The following MEF2C variants were observed in gnomAD, a reference collection of about 807,000 sequenced individuals.
MEF2C encodes myocyte-specific enhancer factor 2C.
Under a neutral mutation model 50.5 loss-of-function variants are expected in MEF2C, and 6 were observed. That is an observed-to-expected ratio of 0.12 (90% CI 0.07 to 0.23). The LOEUF (loss-of-function observed/expected upper bound fraction) is 0.23. Among genes scored for constraint, MEF2C ranks in the 10% least tolerant of loss-of-function variants. MEF2C has a pLI of 1.00. For synonymous variants in MEF2C, 183 were observed against 228.0 expected (o/e 0.80, Z 1.78); for missense variants, 276 against 605.0 (o/e 0.46, Z 5.70).
intron 4 of MEF2C, among the ~76,000 whole-genome samples, chr5:88,754,676 C>G (rs563131247): frequency 4.6e-5 from 7 of 152,180 alleles, no homozygotes; most frequent in Non-Finnish European, 7.4e-5. Flanking sequence ...ACTGCAGTCA[C>G]GTCCTAACAG....
intron 2 of MEF2C, among the ~76,000 whole-genome samples, chr5:88,821,115 T>C (rs1808127986): frequency 6.6e-6 from 1 of 151,962 alleles, no homozygotes; most frequent in Non-Finnish European, 1.5e-5. Flanking sequence ...TAAGTCAAAC[T>C]AAGCTGAATT....
intron 2 of MEF2C, among the ~76,000 whole-genome samples, chr5:88,813,883 C>T (rs559157306): frequency 2.0e-4 from 31 of 151,318 alleles, no homozygotes; most frequent in Middle Eastern, 3.4e-3. Flanking sequence ...ATTTTTTTTC[C>T]CTCCAAATAA....
chr5:88,811,988 A>G (rs144342841), intron 2 of MEF2C, among the ~76,000 whole-genome samples: 1 of 152,256 alleles, frequency 6.6e-6, no homozygotes, highest in East Asian at 1.9e-4. Flanking sequence ...GGCATCATAT[A>G]GAGTTTTGTG....
chr5:88,779,246 C>T (rs1301232192), intron 3 of MEF2C, among the ~76,000 whole-genome samples: 1 of 152,050 alleles, frequency 6.6e-6, no homozygotes, highest in Non-Finnish European at 1.5e-5. Context: ...TTTAAAAGAT[C>T]ACTGTTAAAA....
At position 88,728,473 on chromosome 5, in the gene MEF2C, T is replaced by G. The variant is rs780867741; in HGVS notation, c.1100+20A>C. ...CAAAATACATTCTAAAATTATATTA[T>G]AAAAAATAATATTGCTTACCCCAAC... On this transcript the variant is annotated intron_variant, in intron 10 of 10. Transcript: ENST00000504921. 1 of 1,409,272 alleles carries G rather than the reference T, an allele frequency of 7.1e-7. No individual in the cohort carries two copies. Among genetic ancestry groups the G allele is most frequent in the South Asian group, 1.7e-5 (1 of 57,856 alleles). The allele number at this position is 1,409,272 out of a possible 1,614,324, so 87.3% of individuals were successfully genotyped here.
chr5:88,762,843 A>G (rs545038051), intron 3 of MEF2C, among the ~76,000 whole-genome samples: 1 of 152,274 alleles, frequency 6.6e-6, no homozygotes, highest in South Asian at 2.1e-4. Context: ...AATAAAGCAA[A>G]AGCTGTGACA....
At chr5:88,731,555 T>C in intron 7 of MEF2C, 174 bp downstream of exon 7, 2 of 601,800 alleles carry the variant, frequency 3.3e-6, no homozygotes, top group East Asian at 3.0e-5. Context: ...AAAAGGGAAA[T>C]GCAAACCAGT....
At chr5:88,786,940 G>T (rs1791223266) in intron 3 of MEF2C, among the ~76,000 whole-genome samples, 1 of 152,172 alleles carries the variant, frequency 6.6e-6, no homozygotes, top group African/African-American at 2.4e-5. Context: ...TTATGGTTCA[G>T]ATAATTGGGT....
chr5:88,872,708 A>T (rs1478552052), intron 1 of MEF2C, among the ~76,000 whole-genome samples: 1 of 151,926 alleles, frequency 6.6e-6, no homozygotes, highest in Non-Finnish European at 1.5e-5. Flanking sequence ...TCCTTAAAAA[A>T]CTTTAAGAGG....
intron 1 of MEF2C, among the ~76,000 whole-genome samples, chr5:88,863,426 C>A (rs924536619): frequency 2.0e-5 from 3 of 152,174 alleles, no homozygotes; most frequent in African/African-American, 7.2e-5. Context: ...ATTGGCAGAG[C>A]CAAAGGTAGT....
At position 88,730,200 on chromosome 5, in the gene MEF2C, T is replaced by A; in HGVS notation, c.834+11A>T. 1 of 1,582,194 alleles carries A rather than the reference T, an allele frequency of 6.3e-7. No individual in the cohort carries two copies. The highest frequency in any genetic ancestry group is 8.6e-7 in the Non-Finnish European group (1 of 1,162,836). On this transcript the variant is annotated intron_variant, in intron 8 of 10. Transcript: ENST00000504921. ...CACATGCCATTTGAGGGAAGCGCTCTCACCACTTACCAAAAGCAGGTCGAC... is the reference window on the plus strand; with the variant it reads ...CACATGCCATTTGAGGGAAGCGCTCACACCACTTACCAAAAGCAGGTCGAC...
At chr5:88,800,377 T>G (rs1797858701) in intron 3 of MEF2C, among the ~76,000 whole-genome samples, 1 of 152,206 alleles carries the variant, frequency 6.6e-6, no homozygotes, top group Non-Finnish European at 1.5e-5. Context: ...GCCGTCCAAT[T>G]GTTCCCAAGC....
intron 3 of MEF2C, among the ~76,000 whole-genome samples, chr5:88,785,180 C>G (rs990992436): frequency 1.3e-5 from 2 of 151,870 alleles, no homozygotes; most frequent in East Asian, 3.9e-4. Flanking sequence ...ATGAACTGTG[C>G]TGACATTTCC....
intron 1 of MEF2C, among the ~76,000 whole-genome samples, chr5:88,873,708 A>ATTTTTTTT (rs199642010): frequency 4.3e-5 from 4 of 93,810 alleles, no homozygotes; most frequent in African/African-American, 1.3e-4. Flanking sequence ...GTCGTCACGG[A>ATTTTTTTT]TTTTTTTTTT....
chr5:88,743,909 A>G, intron 6 of MEF2C: 2 of 912,510 alleles, frequency 2.2e-6, no homozygotes, highest in Non-Finnish European at 1.3e-6. Context: ...AATAAATGCC[A>G]ATTAAAATTA....
intron 1 of MEF2C, among the ~76,000 whole-genome samples, chr5:88,865,044 G>A (rs1028883316): frequency 6.6e-6 from 1 of 151,876 alleles, no homozygotes; most frequent in African/African-American, 2.4e-5. Context: ...TTACAGGCAT[G>A]AGCCACCATG....
intron 6 of MEF2C, chr5:88,735,208 A>T (rs748495989): frequency 3.3e-5 from 33 of 985,268 alleles, no homozygotes; most frequent in Non-Finnish European, 3.9e-5. Context: ...CCTCACTCAG[A>T]ATGCTGCGGC....
chr5:88,881,225 G>C (rs2150089731), intron 1 of MEF2C: 1 of 152,232 alleles, frequency 6.6e-6, no homozygotes, highest in South Asian at 2.1e-4. Flanking sequence ...AGAATACATA[G>C]CTAAATGTAC....
chr5:88,775,258 G>A (rs1405008827), intron 3 of MEF2C, among the ~76,000 whole-genome samples: 1 of 152,118 alleles, frequency 6.6e-6, no homozygotes, highest in African/African-American at 2.4e-5. Flanking sequence ...GTTATTGGGG[G>A]TTGCTGTGCC....
Sources: allele counts gnomAD v4.1 joint callset (sites outside exome capture counted in the v4.1 genomes callset), GRCh38; gene constraint gnomAD v4.1.1; transcripts MANE v1.5; gene names NCBI Gene and HGNC (gene_info 2026-07-23, HGNC 2026-07-21).